EDA: variants seen among roughly 807,000 people sequenced by gnomAD.
The protein encoded by EDA is ectodysplasin-A.
EDA carries 2 observed loss-of-function variants against 23.6 expected under a neutral mutation model. The observed-to-expected ratio is 0.08, with a 90% CI of 0.03 to 0.27. The LOEUF is 0.27. Among genes scored for constraint, EDA ranks in the 10% least tolerant of loss-of-function variants. The pLI is 1.00. For missense variants in EDA, 229 were observed against 324.2 expected (o/e 0.71, Z 2.26); for synonymous variants, 131 against 132.0 (o/e 0.99, Z 0.05).
At chrX:69,696,511 A>G (rs2011351016) in intron 1 of EDA, among the ~76,000 whole-genome samples, 1 of 111,823 alleles carries the variant, frequency 8.9e-6, no homozygotes, top group African/African-American at 3.2e-5. Flanking sequence ...ATTCTACTTT[A>G]GGATAAAAAT....
intron 1 of EDA, among the ~76,000 whole-genome samples, chrX:69,646,814 G>GT (rs1346663773): frequency 8.9e-6 from 1 of 111,945 alleles, no homozygotes; most frequent in Non-Finnish European, 1.9e-5. Flanking sequence ...ACTTCAGTGT[G>GT]TTTTGTAGTG....
intron 1 of EDA, among the ~76,000 whole-genome samples, chrX:69,661,734 G>A (rs1933515224): frequency 9.0e-6 from 1 of 111,524 alleles, no homozygotes; most frequent in African/African-American, 3.3e-5. Flanking sequence ...GTACCATGCT[G>A]TTTTGGTTAC....
At chrX:69,669,943 C>T (rs1933823741) in intron 1 of EDA, among the ~76,000 whole-genome samples, 1 of 111,896 alleles carries the variant, frequency 8.9e-6, no homozygotes, top group Non-Finnish European at 1.9e-5. Context: ...ACCATTACAA[C>T]AGTATTGGAA....
Position 69,659,626 on chromosome X carries a change from C to T in EDA, c.396+42922C>T, listed in dbSNP as rs953098578. On this transcript the variant is annotated intron_variant, in intron 1 of 7. Coordinates refer to ENST00000374552, the MANE Select transcript of EDA (RefSeq NM_001399.5). ...TGACACCAATGCATTAGAAAGTGTG[C>T]GTAATGCCCTTAAAATGCAACCCAA... Among the ~76,000 whole-genome samples, 5 of 111,811 alleles carry T rather than the reference C, an allele frequency of 4.5e-5. No individual in the cohort carries two copies. The South Asian group carries it at 1.1e-3, about 25-fold the overall frequency.
intron 1 of EDA, among the ~76,000 whole-genome samples, chrX:69,702,157 G>T (rs924102484): frequency 1.8e-5 from 2 of 111,501 alleles, no homozygotes; most frequent in Non-Finnish European, 3.8e-5. Flanking sequence ...AATACCTTCA[G>T]TTCCTGCTAC....
rs1054583309 is a variant in EDA, at chrX:69,997,934, C to T, written c.503-25284C>T. The stretch of plus-strand genomic sequence containing the variant: ...AGATTTCAGAAGATGTATGGAAATG[C>T]CTGGATTCCCAGGCAGAAGTTTGCT... On this transcript the variant is annotated intron_variant, in intron 2 of 7. Transcript: ENST00000374552. 8.0e-5 allele frequency among the ~76,000 whole-genome samples: 9 copies of T among 112,629 alleles called. No homozygotes were observed. The Admixed American group carries it at 8.4e-4, about 10-fold the overall frequency.
chrX:69,633,121 G>A (rs1297951052), intron 1 of EDA, among the ~76,000 whole-genome samples: 2 of 111,857 alleles, frequency 1.8e-5, no homozygotes. Context: ...CCTCCCAGGA[G>A]TTTGTGCTTG....
chrX:69,882,945 A>AC (rs1304367660), intron 1 of EDA, among the ~76,000 whole-genome samples: 6 of 110,024 alleles, frequency 5.5e-5, no homozygotes, highest in East Asian at 2.9e-4. Flanking sequence ...CAGGTGATCC[A>AC]CCCCCCAATC....
chrX:69,968,088 A>T (rs1185091763), intron 2 of EDA, among the ~76,000 whole-genome samples: 1 of 111,829 alleles, frequency 8.9e-6, no homozygotes, highest in Non-Finnish European at 1.9e-5. Flanking sequence ...TGCATAAAAT[A>T]TGGGGTTTTT....
At chrX:69,910,374 A>AGTGTGTGTGT (rs4007733) in intron 1 of EDA, among the ~76,000 whole-genome samples, 2 of 41,755 alleles carry the variant, frequency 4.8e-5, no homozygotes, top group African/African-American at 1.6e-4. Context: ...AGAGAGAGAG[A>AGTGTGTGTGT]GTGTGTGTGT....
At chrX:69,883,104 A>G (rs758513400) in intron 1 of EDA, among the ~76,000 whole-genome samples, 1 of 112,196 alleles carries the variant, frequency 8.9e-6, no homozygotes, top group South Asian at 3.7e-4. Context: ...GTAAATATAT[A>G]ATCTGTTCCC....
intron 1 of EDA, among the ~76,000 whole-genome samples, chrX:69,759,553 G>A (rs1364441684): frequency 8.9e-6 from 1 of 111,871 alleles, no homozygotes; most frequent in Non-Finnish European, 1.9e-5. Context: ...ATTAGTGATA[G>A]TCTGTAAGTA....
chrX:69,696,234 TG>T (rs2011340094), intron 1 of EDA, among the ~76,000 whole-genome samples: 1 of 89,965 alleles, frequency 1.1e-5, no homozygotes, highest in South Asian at 5.0e-4. Flanking sequence ...AGCAAAACTC[TG>T]TCTCAAAAAA....
intron 1 of EDA, among the ~76,000 whole-genome samples, chrX:69,819,495 C>T (rs540196757): frequency 2.8e-4 from 31 of 112,172 alleles, no homozygotes; most frequent in Non-Finnish European, 3.8e-4. Context: ...TAAGCCCAAA[C>T]GCTGCTTAAG....
intron 1 of EDA, among the ~76,000 whole-genome samples, chrX:69,813,193 C>T: frequency 8.9e-6 from 1 of 111,861 alleles, no homozygotes; most frequent in Non-Finnish European, 1.9e-5. Context: ...CACACATTCT[C>T]CTCAATATGA....
chrX:69,650,164 C>T (rs369569646), intron 1 of EDA, among the ~76,000 whole-genome samples: 6 of 111,728 alleles, frequency 5.4e-5, no homozygotes, highest in East Asian at 5.7e-4. Flanking sequence ...TAACATCTTC[C>T]GTCTCTCATA....
intron 1 of EDA, among the ~76,000 whole-genome samples, chrX:69,939,453 G>T (rs1435478231): frequency 9.0e-6 from 1 of 111,047 alleles, no homozygotes; most frequent in African/African-American, 3.3e-5. Context: ...AAACGTTACT[G>T]AACTTGTTTA....
In EDA at chrX:69,938,380, A is replaced by G. The variant is rs147117943; in HGVS notation, c.397-18647A>G. 3.9e-3 allele frequency among the ~76,000 whole-genome samples: 441 copies of G among 112,425 alleles called. 1 individual carries two copies. Among genetic ancestry groups the G allele is most frequent in the African/African-American group, 0.013 (417 of 31,012 alleles). The stretch of plus-strand genomic sequence containing the variant: ...TAGATGATGTTGAGTACCTTTTAAT[A>G]TGCTTCTTTGCCATTTGTATGTCTT... On this transcript the variant is annotated intron_variant, in intron 1 of 7. Transcript: ENST00000374552.
chrX:69,657,312 T>C (rs899339525), intron 1 of EDA, among the ~76,000 whole-genome samples: 12 of 112,363 alleles, frequency 1.1e-4, no homozygotes, highest in African/African-American at 3.9e-4. Flanking sequence ...GTTCATGTCC[T>C]TTGCCCACTT....
Sources: allele counts gnomAD v4.1 joint callset (sites outside exome capture counted in the v4.1 genomes callset), GRCh38; gene constraint gnomAD v4.1.1; transcripts MANE v1.5; gene names NCBI Gene and HGNC (gene_info 2026-07-23, HGNC 2026-07-21).